Variants in FRMPD4 observed in about 807,000 individuals in gnomAD.
FRMPD4 encodes the protein FERM and PDZ domain-containing protein 4.
A neutral mutation model predicts 94.1 loss-of-function variants in FRMPD4; 22 were observed. The observed-to-expected ratio is 0.23, with a 90% CI of 0.17 to 0.33. FRMPD4 has a LOEUF of 0.33. Ranked by LOEUF, FRMPD4 falls within the 10% of genes least tolerant of loss-of-function variation. The probability of loss-of-function intolerance (pLI) is 1.00; values close to 1 mark genes in which losing one functional copy is unlikely to be tolerated. For synonymous variants in FRMPD4, 631 were observed against 548.6 expected (o/e 1.15, Z -2.10); for missense variants, 1,111 against 1,339.9 (o/e 0.83, Z 2.67).
At chrX:12,131,878 G>A (rs1319566428) in intron 3 of FRMPD4, among the ~76,000 whole-genome samples, 1 of 111,873 alleles carries the variant, frequency 8.9e-6, no homozygotes, top group Non-Finnish European at 1.9e-5. Context: ...AGGTATAAAG[G>A]AACAAAAACG....
At chrX:11,874,002 C>T (rs1181383636) in intron 2 of FRMPD4, among the ~76,000 whole-genome samples, 1 of 111,224 alleles carries the variant, frequency 9.0e-6, no homozygotes, top group Non-Finnish European at 1.9e-5. Flanking sequence ...GCCGAGATCG[C>T]ACCACTGCAC....
chrX:11,985,955 G>A (rs763845160), intron 3 of FRMPD4, among the ~76,000 whole-genome samples: 118 of 112,471 alleles, frequency 1.0e-3, no homozygotes, highest in African/African-American at 3.7e-3. Context: ...ACTTGCCTGG[G>A]GCCTGGGGGA....
At chrX:12,671,121 C>T (rs2059837728) in intron 4 of FRMPD4, among the ~76,000 whole-genome samples, 1 of 111,990 alleles carries the variant, frequency 8.9e-6, no homozygotes, top group African/African-American at 3.3e-5. Context: ...AATAGGAATG[C>T]TTTTACACTG....
chrX:11,865,399 C>T (rs1030310885), intron 2 of FRMPD4, among the ~76,000 whole-genome samples: 1 of 111,656 alleles, frequency 9.0e-6, no homozygotes, highest in African/African-American at 3.3e-5. Flanking sequence ...AAAAGCTCAT[C>T]TAGAGCTGTA....
At chrX:12,271,447 G>A (rs923789325) in intron 1 of FRMPD4, among the ~76,000 whole-genome samples, 5 of 111,756 alleles carry the variant, frequency 4.5e-5, no homozygotes, top group Admixed American at 2.8e-4. Flanking sequence ...TGACTGTTTC[G>A]AACTTTGGCA....
intron 3 of FRMPD4, among the ~76,000 whole-genome samples, chrX:11,921,530 T>C (rs1382028039): frequency 8.9e-6 from 1 of 112,258 alleles, no homozygotes. Flanking sequence ...AGAGTTTCCT[T>C]CCCATTGACT....
chrX:12,290,794 A>G (rs2054674039), intron 1 of FRMPD4, among the ~76,000 whole-genome samples: 1 of 111,164 alleles, frequency 9.0e-6, no homozygotes, highest in Admixed American at 9.6e-5. Flanking sequence ...TCCCCATTGT[A>G]ATTTCTACCA....
chrX:11,842,274 A>G (rs1219446665), intron 1 of FRMPD4, among the ~76,000 whole-genome samples: 1 of 101,149 alleles, frequency 9.9e-6, no homozygotes, highest in Non-Finnish European at 2.0e-5. Context: ...GTTTTTTCCA[A>G]TTCTGTGACG....
At chrX:11,865,557 AC>A (rs1425796129) in intron 2 of FRMPD4, among the ~76,000 whole-genome samples, 20 of 111,968 alleles carry the variant, frequency 1.8e-4, no homozygotes, top group Admixed American at 1.6e-3. Context: ...TTTCTAATCA[AC>A]CCTTATAGCA....
intron 1 of FRMPD4, among the ~76,000 whole-genome samples, chrX:11,833,809 T>C (rs1454002656): frequency 2.7e-5 from 3 of 111,516 alleles, no homozygotes; most frequent in African/African-American, 9.8e-5. Context: ...AATGGGAATA[T>C]GAGCAGAAGT....
intron 1 of FRMPD4, among the ~76,000 whole-genome samples, chrX:12,175,532 G>A (rs140808973): frequency 0.012 from 1,343 of 111,913 alleles, 27 homozygotes; most frequent in African/African-American, 0.041. Flanking sequence ...TGTTGTTGTC[G>A]TTGTTGAGAT....
intron 3 of FRMPD4, among the ~76,000 whole-genome samples, chrX:11,905,875 T>C (rs1353484164): frequency 9.0e-6 from 1 of 111,389 alleles, no homozygotes; most frequent in African/African-American, 3.3e-5. Flanking sequence ...GAACGGACAA[T>C]ACTCTTTTAA....
At chrX:12,605,601 C>A (rs2059124790) in intron 2 of FRMPD4, among the ~76,000 whole-genome samples, 1 of 111,381 alleles carries the variant, frequency 9.0e-6, no homozygotes, top group Non-Finnish European at 1.9e-5. Flanking sequence ...GTCCCTCCTT[C>A]CCATCACTTC....
intron 3 of FRMPD4, among the ~76,000 whole-genome samples, chrX:12,017,908 T>C (rs963250195): frequency 1.8e-5 from 2 of 111,784 alleles, no homozygotes; most frequent in Admixed American, 9.5e-5. Flanking sequence ...AATTATTGAA[T>C]TGGGTCCTGG....
At chrX:11,849,817 T>C (rs1335693576) in intron 1 of FRMPD4, among the ~76,000 whole-genome samples, 1 of 111,053 alleles carries the variant, frequency 9.0e-6, no homozygotes, top group African/African-American at 3.3e-5. Flanking sequence ...GCTAAAACTA[T>C]AAAACTCTTT....
intron 3 of FRMPD4, among the ~76,000 whole-genome samples, chrX:12,125,041 C>G (rs1369232668): frequency 8.9e-6 from 1 of 111,886 alleles, no homozygotes; most frequent in Admixed American, 9.5e-5. Context: ...GAGAGCAGTC[C>G]CACTGACTGG....
chrX:12,641,941 G>A (rs181269669), intron 4 of FRMPD4, among the ~76,000 whole-genome samples: 1 of 111,893 alleles, frequency 8.9e-6, no homozygotes, highest in African/African-American at 3.2e-5. Flanking sequence ...AGAACCAAGT[G>A]CAATGAAAAT....
At chrX:12,636,196 A>G (rs1690146518) in intron 4 of FRMPD4, among the ~76,000 whole-genome samples, 1 of 112,216 alleles carries the variant, frequency 8.9e-6, no homozygotes, top group Non-Finnish European at 1.9e-5. Context: ...AATGAAGTCC[A>G]TGTATTGTGA....
chrX:11,925,498 C>T (rs927260480), intron 3 of FRMPD4, among the ~76,000 whole-genome samples: 2 of 111,884 alleles, frequency 1.8e-5, no homozygotes, highest in East Asian at 2.8e-4. Context: ...ATCACACAAT[C>T]GAAGTAAAAC....
Sources: allele counts gnomAD v4.1 joint callset (sites outside exome capture counted in the v4.1 genomes callset), GRCh38; gene constraint gnomAD v4.1.1; transcripts MANE v1.5; gene names NCBI Gene and HGNC (gene_info 2026-07-23, HGNC 2026-07-21).